The following ZNF85 variants were observed in gnomAD, a reference collection of about 807,000 sequenced individuals.
ZNF85 encodes the protein zinc finger protein 85 (HPF4, HTF1).
A neutral mutation model predicts 53.9 loss-of-function variants in ZNF85; 50 were observed. The observed-to-expected ratio is 0.93, with a 90% confidence interval of 0.74 to 1.17. ZNF85 has a LOEUF of 1.17. Ranked by LOEUF, ZNF85 falls within the 50% of genes most tolerant of loss-of-function variation. The pLI, the probability that ZNF85 is intolerant of heterozygous loss-of-function variation, is 0.00. For synonymous variants in ZNF85, 225 were observed against 226.1 expected, an observed-to-expected ratio of 1.00 and a Z score of 0.04; for missense variants, 747 against 688.5, an observed-to-expected ratio of 1.08 and a Z score of -0.95.
chr19:20,941,435 A>G (rs1973293132), intron 3 of ZNF85, among the ~76,000 whole-genome samples: 1 of 151,904 alleles, frequency 6.6e-6, no homozygotes, highest in South Asian at 2.1e-4. Flanking sequence ...GCTAATTTTT[A>G]TATTTTTAGT....
chr19:20,949,186 T>A lies in ZNF85; in HGVS notation c.672T>A (p.His224Gln), dbSNP rs564106809. The A allele has an allele frequency of 6.2e-7, 1 of 1,613,464 alleles. No homozygotes were observed. The highest frequency in any genetic ancestry group is 2.2e-5 in the East Asian group (1 of 44,842). Residue 224 changes from histidine to glutamine, a missense_variant, in exon 4 of 4, where the codon CAT becomes CAA. His to Gln is a conservative substitution (Grantham distance 24, BLOSUM62 0). Coordinates refer to ENST00000328178, the MANE Select transcript of ZNF85 (RefSeq NM_003429.5). The part of the protein sequence containing the change: ...SSTLTKHKRI[H>Q]TGEKPYKCEE... Reference sequence around the variant, plus strand: ...CCCTTACTAAACATAAGAGAATTCATACGGGAGAGAAACCTTACAAATGTG... The same window carrying A: ...CCCTTACTAAACATAAGAGAATTCAAACGGGAGAGAAACCTTACAAATGTG...
chr19:20,937,009 T>A (rs11670561), intron 3 of ZNF85: 69,785 of 179,122 alleles, frequency 0.39, 14,471 homozygotes, highest in East Asian at 0.46. Flanking sequence ...TTTTTGGGGT[T>A]TTTTTGTTTG....
chr19:20,949,238 T>G lies in ZNF85; in HGVS notation c.724T>G (p.Ser242Ala), dbSNP rs557006224. 6 of 1,612,628 alleles carry G rather than the reference T, an allele frequency of 3.7e-6. No homozygotes were observed. The Middle Eastern group carries it at 6.6e-4, about 177-fold the overall frequency. The change falls in exon 4 of 4, where the codon TCC becomes GCC. Residue 242 changes from serine to alanine, a missense_variant. Ser to Ala is a moderately conservative substitution (Grantham distance 99). Transcript: ENST00000328178. The stretch of plus-strand genomic sequence containing the variant: ...AGAATGTGGTAAAGCCTTTAACCAG[T>G]CCTCAAACCTTATTAAACATAAGAA... The part of the protein sequence containing the change: ...CEECGKAFNQ[S>A]SNLIKHKKIH...
intron 1 of ZNF85, among the ~76,000 whole-genome samples, chr19:20,925,455 C>CAAA (rs71174767): frequency 0.12 from 11,532 of 97,002 alleles, 583 homozygotes; most frequent in Non-Finnish European, 0.16. Context: ...AGACTGTATA[C>CAAA]AAAAAAAAAA....
intron 1 of ZNF85, among the ~76,000 whole-genome samples, chr19:20,924,653 C>T (rs1403085299): frequency 6.6e-6 from 1 of 152,194 alleles, no homozygotes; most frequent in Non-Finnish European, 1.5e-5. Context: ...CTCTGATACA[C>T]ATTATCAATT....
At chr19:20,932,833 GT>G (rs111456546) in intron 1 of ZNF85, among the ~76,000 whole-genome samples, 1 of 152,032 alleles carries the variant, frequency 6.6e-6, no homozygotes, top group African/African-American at 2.4e-5. Context: ...TCAGACTATA[GT>G]TTGGAGGAGC....
Position 20,949,218 on chromosome 19 carries a change from G to A in ZNF85, c.704G>A (p.Cys235Tyr), listed in dbSNP as rs1432466007. 6.2e-7 allele frequency: 1 copy of A among 1,613,276 alleles called. No individual in the cohort carries two copies. Among genetic ancestry groups the A allele is most frequent in the South Asian group, 1.1e-5 (1 of 91,048 alleles). Residue 235 changes from cysteine (C) to tyrosine (Y), a missense_variant, in exon 4 of 4, where the codon TGT becomes TAT. Coordinates refer to ENST00000328178, the MANE Select transcript of ZNF85 (RefSeq NM_003429.5). ...TGEKPYKCEE[C>Y]GKAFNQSSNL... ...GAGAAACCTTACAAATGTGAAGAAT[G>A]TGGTAAAGCCTTTAACCAGTCCTCA...
At chr19:20,931,986 A>G (rs1973033451) in intron 1 of ZNF85, among the ~76,000 whole-genome samples, 1 of 152,152 alleles carries the variant, frequency 6.6e-6, no homozygotes, top group South Asian at 2.1e-4. Flanking sequence ...GGAAAAGTGA[A>G]ACATATTTTG....
Position 20,949,572 on chromosome 19 carries a change from A to T in ZNF85, c.1058A>T (p.Gln353Leu), listed in dbSNP as rs777012832. The change falls in exon 4 of 4, where the codon CAG (glutamine) becomes CTG (leucine). Residue 353 changes from glutamine to leucine, a missense_variant. Physicochemically the swap from Gln to Leu is moderately radical, Grantham distance 113. Coordinates refer to ENST00000328178, the MANE Select transcript of ZNF85 (RefSeq NM_003429.5). ...AAAAAATGTGGAAAAGCCTTTAACC[A>T]GTCTGCACACCTTACCACACATGAG... is the stretch of plus-strand genomic sequence containing the variant. ...KCKKCGKAFN[Q>L]SAHLTTHEVI... 6.3e-7 allele frequency: 1 copy of T among 1,597,868 alleles called. No homozygotes were observed. Among genetic ancestry groups the T allele is most frequent in the Non-Finnish European group, 8.6e-7 (1 of 1,168,740 alleles).
At chr19:20,924,887 G>T (rs1201951652) in intron 1 of ZNF85, among the ~76,000 whole-genome samples, 1 of 152,108 alleles carries the variant, frequency 6.6e-6, no homozygotes, top group Non-Finnish European at 1.5e-5. Flanking sequence ...CAAGGTTTCC[G>T]TTTGGAGACT....
At chr19:20,947,881 A>C (rs1390703735) in intron 3 of ZNF85, among the ~76,000 whole-genome samples, 1 of 151,680 alleles carries the variant, frequency 6.6e-6, no homozygotes, top group Non-Finnish European at 1.5e-5. Context: ...TTCCTCACTG[A>C]ATATTATTCA....
chr19:20,938,270 A>G (rs771096295), intron 3 of ZNF85, among the ~76,000 whole-genome samples: 2 of 152,164 alleles, frequency 1.3e-5, no homozygotes, highest in Non-Finnish European at 2.9e-5. Flanking sequence ...TGGTTTTACC[A>G]TGTTGGATAA....
chr19:20,931,187 A>G (rs1973008633), intron 1 of ZNF85, among the ~76,000 whole-genome samples: 1 of 152,124 alleles, frequency 6.6e-6, no homozygotes, highest in East Asian at 1.9e-4. Context: ...AGCCCAAGGG[A>G]AGCAACATCA....
At chr19:20,943,486 A>C (rs1973348672) in intron 3 of ZNF85, 1 of 152,220 alleles carries the variant, frequency 6.6e-6, no homozygotes, top group South Asian at 2.1e-4. Flanking sequence ...AAGCTTACTG[A>C]AACCTTCCAC....
intron 1 of ZNF85, among the ~76,000 whole-genome samples, chr19:20,923,963 C>G (rs1972821436): frequency 6.6e-6 from 1 of 151,656 alleles, no homozygotes; most frequent in Admixed American, 6.6e-5. Context: ...CGCGCGCCTG[C>G]AATCCCAGCT....
chr19:20,942,933 G>T, intron 3 of ZNF85: 1 of 579,410 alleles, frequency 1.7e-6, no homozygotes, highest in Non-Finnish European at 3.1e-6. Flanking sequence ...GCAGTACTAT[G>T]CCTGGCTAAT....
At chr19:20,936,072 A>G (rs113672456) in intron 3 of ZNF85, among the ~76,000 whole-genome samples, 1,809 of 135,538 alleles carry the variant, frequency 0.013, 33 homozygotes, top group African/African-American at 0.039. Flanking sequence ...TGATGCTATT[A>G]TAAATAAGAT....
At chr19:20,939,231 A>G (rs1203643661) in intron 3 of ZNF85, among the ~76,000 whole-genome samples, 1 of 152,064 alleles carries the variant, frequency 6.6e-6, no homozygotes, top group Non-Finnish European at 1.5e-5. Flanking sequence ...TTGCAGTTCC[A>G]TATTAGTGTG....
At chr19:20,929,092 T>C (rs1231609807) in intron 1 of ZNF85, among the ~76,000 whole-genome samples, 2 of 152,066 alleles carry the variant, frequency 1.3e-5, no homozygotes, top group Non-Finnish European at 2.9e-5. Context: ...GTGTTCTTAT[T>C]TAGCTCTTAC....
Sources: gnomAD v4.1 joint callset for allele counts (sites outside exome capture counted in the v4.1 genomes callset) on GRCh38, gnomAD v4.1.1 for gene constraint, MANE v1.5 for transcripts, NCBI Gene and HGNC (gene_info 2026-07-23, HGNC 2026-07-21) for gene names.